Variants in DNAH17 observed in about 807,000 individuals in gnomAD.
The protein encoded by DNAH17 is axonemal beta dynein heavy chain 17.
In DNAH17, 376 loss-of-function variants were observed where a neutral mutation model predicts 485.6. That is an observed-to-expected ratio of 0.77 (90% CI 0.71 to 0.84). The LOEUF (loss-of-function observed/expected upper bound fraction) is 0.84, where lower values mean the gene tolerates loss of function less well. Ranked by LOEUF, DNAH17 falls within the 40% of genes least tolerant of loss-of-function variation. DNAH17 has a pLI of 0.00. For synonymous variants in DNAH17, 3,031 were observed against 2,405.9 expected, an observed-to-expected ratio of 1.26 and a Z score of -7.60; for missense variants, 6,370 against 5,839.3, an observed-to-expected ratio of 1.09 and a Z score of -2.96.
chr17:78,544,221 G>A (rs990039255), intron 16 of DNAH17, among the ~76,000 whole-genome samples: 1 of 152,196 alleles, frequency 6.6e-6, no homozygotes, highest in Non-Finnish European at 1.5e-5. Flanking sequence ...CAAAACCAGG[G>A]CCTAGGGGAA....
At chr17:78,428,923 TTA>T (rs1491578877) in intron 76 of DNAH17, among the ~76,000 whole-genome samples, 196 bp downstream of exon 76, 2 of 79,148 alleles carry the variant, frequency 2.5e-5, no homozygotes, top group African/African-American at 8.7e-5. Context: ...ATTTCTTTCT[TTA>T]AAAAAAAAAA....
chr17:78,500,261 T>TA lies in DNAH17; in HGVS notation c.5640+43dup, dbSNP rs955896255. 9 of 1,565,458 alleles carry TA rather than the reference T, an allele frequency of 5.7e-6. No individual in the cohort carries two copies. In the African/African-American group the frequency reaches 1.2e-4, roughly 21 times the overall value. On this transcript the variant is annotated intron_variant, in intron 36 of 80. Coordinates refer to ENST00000389840, the MANE Select transcript of DNAH17 (RefSeq NM_173628.4). The stretch of plus-strand genomic sequence containing the variant: ...GACAGGGTGCTAGGATCTGCTTCTA[T>TA]AAAAGAAGACTCTGGGTCCCTCCTC...
At chr17:78,567,244 C>T in intron 9 of DNAH17, 78 bp from the exon 10 acceptor site, 4 of 1,500,264 alleles carry the variant, frequency 2.7e-6, no homozygotes, top group Non-Finnish European at 3.6e-6. Flanking sequence ...AGCTCTGACC[C>T]CAGGCAGGAG....
At chr17:78,460,306 C>T (rs958221018) in intron 58 of DNAH17, 49 bp from the exon 59 acceptor site, 1 of 1,321,448 alleles carries the variant, frequency 7.6e-7, no homozygotes, top group African/African-American at 1.8e-5. Flanking sequence ...GTCCATGTGC[C>T]TGTGGGGGCG....
At chr17:78,452,265 A>C (rs1202803331) in intron 65 of DNAH17, among the ~76,000 whole-genome samples, 3 of 152,106 alleles carry the variant, frequency 2.0e-5, no homozygotes, top group Non-Finnish European at 4.4e-5. Flanking sequence ...GTCAGCTCTG[A>C]CATTTACATT....
At chr17:78,425,755 G>GTT (rs1568032936) in intron 79 of DNAH17, among the ~76,000 whole-genome samples, 184 bp from the exon 80 acceptor site, 4 of 88,314 alleles carry the variant, frequency 4.5e-5, no homozygotes, top group African/African-American at 2.1e-4. Flanking sequence ...TTTGGTGTCT[G>GTT]CTTTTTTTTT....
intron 1 of DNAH17, among the ~76,000 whole-genome samples, chr17:78,575,638 C>T (rs772516129): frequency 6.6e-6 from 1 of 152,164 alleles, no homozygotes; most frequent in Non-Finnish European, 1.5e-5. Flanking sequence ...CCTCCAGCCC[C>T]CAGCGTGCAC....
chr17:78,505,188 G>C, intron 31 of DNAH17, 105 bp downstream of exon 31: 1 of 1,469,808 alleles, frequency 6.8e-7, no homozygotes, highest in Admixed American at 2.0e-5. Flanking sequence ...GCTGGCAGCT[G>C]CACAGGGTGC....
intron 44 of DNAH17, among the ~76,000 whole-genome samples, chr17:78,486,769 C>G (rs886368348): frequency 2.6e-5 from 4 of 152,184 alleles, no homozygotes; most frequent in South Asian, 2.1e-4. Flanking sequence ...AGGTCTAGAA[C>G]AGTTGGAAGC....
At chr17:78,450,570 A>T in intron 67 of DNAH17, 112 bp downstream of exon 67, 1 of 1,444,056 alleles carries the variant, frequency 6.9e-7, no homozygotes, top group Non-Finnish European at 9.3e-7. Context: ...CCACTCGGGC[A>T]CGTATGACCG....
chr17:78,515,054 C>A (rs753321936), intron 25 of DNAH17, 32 bp from the exon 26 acceptor site: 3 of 1,610,562 alleles, frequency 1.9e-6, no homozygotes, highest in Non-Finnish European at 2.5e-6. Flanking sequence ...TCTCCTTCCA[C>A]TCTCATCAAG....
chr17:78,494,533 G>T (rs539881510), intron 40 of DNAH17, 60 bp downstream of exon 40: 1 of 1,548,548 alleles, frequency 6.5e-7, no homozygotes, highest in Admixed American at 1.7e-5. Context: ...AACATCAGTG[G>T]GAAGGAAGCC....
In DNAH17 at chr17:78,494,114, C is replaced by CT. The variant is rs752402367; in HGVS notation, c.6329dup (p.Val2111GlyfsTer86). On this transcript the variant is annotated frameshift_variant, in exon 41 of 81. Transcript: ENST00000389840. LOFTEE classifies it high-confidence loss of function. Reference sequence around the variant, plus strand: ...GCAGCAGCTCCTCCAGCTGCACCACCTTCAGCACGAAGCTGTCCTCCGCCT... The same window carrying CT: ...GCAGCAGCTCCTCCAGCTGCACCACCTTTCAGCACGAAGCTGTCCTCCGCCT... The CT allele has an allele frequency of 6.2e-7, 1 of 1,612,962 alleles. No homozygotes were observed. The highest frequency in any genetic ancestry group is 1.7e-5 in the Admixed American group (1 of 60,010).
In DNAH17 at chr17:78,462,975, T is replaced by C. The variant is rs1159199206; in HGVS notation, c.9043A>G (p.Thr3015Ala). ...TGCTCCAGAAAGGTTTTGGGTGTGG[T>C]GTAGTTGTAGCGCCTCTCAGTAGCC... is the stretch of plus-strand genomic sequence containing the variant. ...YLATERRYNY[T>A]TPKTFLEQIK... is the part of the protein sequence containing the mutation. The change falls in exon 57 of 81, where the codon ACC (threonine) becomes GCC (alanine). Residue 3015 changes from threonine to alanine, a missense_variant. Coordinates refer to ENST00000389840, the MANE Select transcript of DNAH17 (RefSeq NM_173628.4). 1 of 1,613,886 alleles carries C rather than the reference T, an allele frequency of 6.2e-7. No individual in the cohort carries two copies. Among genetic ancestry groups the C allele is most frequent in the African/African-American group, 1.3e-5 (1 of 74,918 alleles).
chr17:78,543,384 G>A (rs369948620), intron 17 of DNAH17, among the ~76,000 whole-genome samples: 3 of 151,262 alleles, frequency 2.0e-5, no homozygotes, highest in African/African-American at 2.4e-5. Context: ...TCCGCTTCCC[G>A]GGTTCACGCC....
Position 78,459,217 on chromosome 17 carries a change from G to A in DNAH17, c.9654-9C>T. 6.2e-7 allele frequency: 1 copy of A among 1,613,284 alleles called. No individual in the cohort carries two copies. Among genetic ancestry groups the A allele is most frequent in the Non-Finnish European group, 8.5e-7 (1 of 1,179,642 alleles). The stretch of plus-strand genomic sequence containing the variant: ...GGTTGCCTTGGTAGGGCCTAGCGAG[G>A]GAACCAGAGGGCCGGAGTCGTCACC... On this transcript the variant is annotated splice_polypyrimidine_tract_variant and intron_variant, in intron 60 of 80. Coordinates refer to ENST00000389840, the MANE Select transcript of DNAH17 (RefSeq NM_173628.4).
intron 18 of DNAH17, 126 bp downstream of exon 18, chr17:78,539,611 C>T: frequency 1.1e-6 from 1 of 902,356 alleles, no homozygotes; most frequent in Non-Finnish European, 1.6e-6. Flanking sequence ...AAGTAGATTG[C>T]ATAAGATATA....
intron 78 of DNAH17, 96 bp downstream of exon 78, chr17:78,426,830 C>G (rs568854600): frequency 2.3e-5 from 33 of 1,445,516 alleles, no homozygotes; most frequent in Non-Finnish European, 2.7e-5. Context: ...CCATGCTGAT[C>G]CGGGGCCTGT....
At chr17:78,433,125 G>A (rs2086738718) in intron 75 of DNAH17, among the ~76,000 whole-genome samples, 1 of 152,172 alleles carries the variant, frequency 6.6e-6, no homozygotes, top group Admixed American at 6.5e-5. Context: ...GAGTGAGGAG[G>A]AGGACCCAGG....
Sources: allele counts gnomAD v4.1 joint callset (sites outside exome capture counted in the v4.1 genomes callset), GRCh38; gene constraint gnomAD v4.1.1; transcripts MANE v1.5; gene names NCBI Gene and HGNC (gene_info 2026-07-23, HGNC 2026-07-21).